The following DGKB variants were observed in gnomAD, a reference collection of about 807,000 sequenced individuals.
The protein encoded by DGKB is diacylglycerol kinase beta.
A neutral mutation model predicts 114.3 loss-of-function variants in DGKB; 67 were observed. That is an observed-to-expected ratio of 0.59 (90% CI 0.48 to 0.72). DGKB has a LOEUF of 0.72. Among genes scored for constraint, DGKB ranks in the 30% least tolerant of loss-of-function variants. The pLI is 0.00. For missense variants in DGKB, 907 were observed against 975.2 expected (o/e 0.93, Z 0.93); for synonymous variants, 398 against 323.1 (o/e 1.23, Z -2.49).
intron 5 of DGKB, among the ~76,000 whole-genome samples, chr7:14,728,591 G>T (rs1484100927): frequency 6.6e-6 from 1 of 152,086 alleles, no homozygotes; most frequent in Non-Finnish European, 1.5e-5. Context: ...AGCATCATCT[G>T]CTCTGGGATG....
At chr7:14,197,215 T>A (rs1785153640) in intron 23 of DGKB, among the ~76,000 whole-genome samples, 1 of 152,108 alleles carries the variant, frequency 6.6e-6, no homozygotes, top group East Asian at 1.9e-4. Context: ...TACCCCCTTT[T>A]TAATAGTTTA....
At chr7:14,704,738 A>G (rs1825881136) in intron 6 of DGKB, among the ~76,000 whole-genome samples, 1 of 152,168 alleles carries the variant, frequency 6.6e-6, no homozygotes. Flanking sequence ...GGGTATTCCA[A>G]TAGACCTGCA....
At chr7:14,233,159 C>T (rs945808712) in intron 23 of DGKB, among the ~76,000 whole-genome samples, 1 of 151,884 alleles carries the variant, frequency 6.6e-6, no homozygotes, top group African/African-American at 2.4e-5. Context: ...CAATGCAAGC[C>T]TATGTATAAG....
At chr7:14,317,400 C>G (rs1423615193) in intron 23 of DGKB, among the ~76,000 whole-genome samples, 1 of 144,836 alleles carries the variant, frequency 6.9e-6, no homozygotes, top group African/African-American at 2.6e-5. Context: ...TGTCTCAGCC[C>G]AAAATCTCCT....
intron 17 of DGKB, among the ~76,000 whole-genome samples, chr7:14,603,168 T>G (rs1015526443): frequency 6.6e-6 from 1 of 152,160 alleles, no homozygotes; most frequent in Non-Finnish European, 1.5e-5. Flanking sequence ...TGAATCAATT[T>G]TCATACTCCA....
chr7:14,835,824 A>T (rs981250256), intron 2 of DGKB, among the ~76,000 whole-genome samples: 4 of 152,134 alleles, frequency 2.6e-5, no homozygotes, highest in Non-Finnish European at 5.9e-5. Context: ...TAAACAAATT[A>T]TTCCTGTTTT....
intron 23 of DGKB, among the ~76,000 whole-genome samples, chr7:14,240,016 C>T (rs990240142): frequency 1.3e-5 from 2 of 151,856 alleles, no homozygotes; most frequent in African/African-American, 4.8e-5. Flanking sequence ...CCTTACCAGC[C>T]ACTGCGTATA....
intron 21 of DGKB, among the ~76,000 whole-genome samples, chr7:14,447,405 C>T (rs1830873447): frequency 6.6e-6 from 1 of 152,018 alleles, no homozygotes; most frequent in African/African-American, 2.4e-5. Context: ...GAGACAGCAA[C>T]AATAGCTTCC....
intron 2 of DGKB, among the ~76,000 whole-genome samples, chr7:14,825,700 T>G (rs1402616094): frequency 2.0e-5 from 3 of 152,044 alleles, no homozygotes; most frequent in Non-Finnish European, 4.4e-5. Flanking sequence ...CCAGTACAGG[T>G]CAGTGGCAGG....
Position 14,148,854 on chromosome 7 carries a change from G to T in DGKB, c.*277C>A. On this transcript the variant is annotated 3_prime_UTR_variant, in exon 26 of 26. Coordinates refer to ENST00000402815, the MANE Select transcript of DGKB (RefSeq NM_001350709.2). ...GTAAAAGGAAATTGGGGAAGAGTTG[G>T]GTGGGAGATGTAAAAATCTATGGGA... 1 of 431,810 alleles carries T rather than the reference G, an allele frequency of 2.3e-6. No individual in the cohort carries two copies. The highest frequency in any genetic ancestry group is 4.2e-6 in the Non-Finnish European group (1 of 240,732). The allele number at this position is 431,810 out of a possible 1,614,324, so 26.7% of individuals were successfully genotyped here.
intron 21 of DGKB, among the ~76,000 whole-genome samples, chr7:14,429,736 C>T (rs1208178533): frequency 6.6e-6 from 1 of 152,136 alleles, no homozygotes; most frequent in Non-Finnish European, 1.5e-5. Context: ...GCCTGGCCAA[C>T]ATGGCAAAAC....
chr7:14,863,428 A>C (rs1399833648), intron 1 of DGKB, among the ~76,000 whole-genome samples: 1 of 151,572 alleles, frequency 6.6e-6, no homozygotes, highest in Non-Finnish European at 1.5e-5. Flanking sequence ...ATTAACTATA[A>C]AACTAAAATT....
chr7:14,851,254 G>A (rs1849309413), intron 1 of DGKB, among the ~76,000 whole-genome samples: 1 of 152,034 alleles, frequency 6.6e-6, no homozygotes, highest in African/African-American at 2.4e-5. Context: ...AAAATTCAAG[G>A]GAAATCTTTG....
chr7:14,240,725 T>A (rs2128364019), intron 23 of DGKB, among the ~76,000 whole-genome samples: 1 of 152,270 alleles, frequency 6.6e-6, no homozygotes, highest in East Asian at 1.9e-4. Flanking sequence ...ACCTTTCTAC[T>A]CTGACATCTT....
At chr7:14,493,429 A>G (rs1451266631) in intron 20 of DGKB, among the ~76,000 whole-genome samples, 2 of 152,128 alleles carry the variant, frequency 1.3e-5, no homozygotes, top group African/African-American at 4.8e-5. Context: ...CAATTATCAC[A>G]TATACTGTAA....
At chr7:14,464,045 CT>C (rs1833484028) in intron 21 of DGKB, among the ~76,000 whole-genome samples, 2 of 150,206 alleles carry the variant, frequency 1.3e-5, no homozygotes, top group African/African-American at 4.9e-5. Context: ...TTTTTTTCCC[CT>C]AGTAAGATGT....
chr7:14,718,727 G>A, intron 5 of DGKB, 42 bp from the exon 6 acceptor site: 1 of 1,439,354 alleles, frequency 6.9e-7, no homozygotes, highest in South Asian at 1.2e-5. Flanking sequence ...ATTATTTACA[G>A]TGATCTCAAA....
At chr7:14,591,778 C>G (rs1801743712) in intron 17 of DGKB, among the ~76,000 whole-genome samples, 1 of 151,842 alleles carries the variant, frequency 6.6e-6, no homozygotes, top group African/African-American at 2.4e-5. Flanking sequence ...AAAAACAAAT[C>G]CAGAAAATTT....
intron 23 of DGKB, chr7:14,209,561 A>G: frequency 2.0e-6 from 1 of 493,806 alleles, no homozygotes; most frequent in Non-Finnish European, 4.2e-6. Context: ...TATTAATTTA[A>G]AATGGGGGCT....
Sources: allele counts gnomAD v4.1 joint callset (sites outside exome capture counted in the v4.1 genomes callset), GRCh38; gene constraint gnomAD v4.1.1; transcripts MANE v1.5; gene names NCBI Gene and HGNC (gene_info 2026-07-23, HGNC 2026-07-21).